Variants in GEMIN5 observed in about 807,000 individuals in gnomAD.
GEMIN5 encodes the protein gem nuclear organelle associated protein 5.
In GEMIN5, 124 loss-of-function variants were observed where a neutral mutation model predicts 176.9. The ratio of observed to expected loss-of-function variants is 0.70; its 90% confidence interval spans 0.61 to 0.81. The LOEUF is 0.81. Among genes scored for constraint, GEMIN5 ranks in the 40% least tolerant of loss-of-function variants. GEMIN5 has a pLI of 0.00. For synonymous variants in GEMIN5, 673 were observed against 665.2 expected (o/e 1.01, Z -0.18); for missense variants, 1,843 against 1,814.6 (o/e 1.02, Z -0.28).
chr5:154,894,432 T>C (rs1351824680), intron 24 of GEMIN5, among the ~76,000 whole-genome samples: 2 of 152,206 alleles, frequency 1.3e-5, no homozygotes, highest in Non-Finnish European at 2.9e-5. Context: ...AATATCTAGG[T>C]AGCAGAACTG....
chr5:154,905,938 G>T lies in GEMIN5; in HGVS notation c.2396-462C>A, dbSNP rs537764911. On this transcript the variant is annotated intron_variant, in intron 16 of 27. Coordinates refer to ENST00000285873, the MANE Select transcript of GEMIN5 (RefSeq NM_015465.5). ...ACTCCTGACCTCAGGTGATCCACCT[G>T]CCTCAGCCTCCCAAACTGCTGGGAT... Among the ~76,000 whole-genome samples the T allele has an allele frequency of 5.1e-4, 78 of 151,802 alleles. 1 individual carries two copies. The highest frequency in any genetic ancestry group is 7.4e-5 in the Non-Finnish European group (5 of 67,966).
At chr5:154,920,169 AGTATG>A (rs2113495131) in intron 10 of GEMIN5, 66 bp from the exon 11 acceptor site, 2 of 1,297,986 alleles carry the variant, frequency 1.5e-6, no homozygotes, top group Non-Finnish European at 2.2e-6. Context: ...TTGTTGCTAT[AGTATG>A]ACCATACCAT....
intron 3 of GEMIN5, among the ~76,000 whole-genome samples, chr5:154,932,927 G>A (rs543415441): frequency 3.4e-4 from 52 of 152,144 alleles, no homozygotes; most frequent in Non-Finnish European, 6.8e-4. Context: ...TTCTTTATAA[G>A]TGATACTACT....
At chr5:154,932,980 C>T (rs758226926) in intron 3 of GEMIN5, among the ~76,000 whole-genome samples, 2 of 152,214 alleles carry the variant, frequency 1.3e-5, no homozygotes, top group African/African-American at 4.8e-5. Context: ...ATTCTACACT[C>T]TAGACCTGCA....
At chr5:154,936,865 C>T (rs1378084785) in intron 2 of GEMIN5, among the ~76,000 whole-genome samples, 160 bp downstream of exon 2, 1 of 152,084 alleles carries the variant, frequency 6.6e-6, no homozygotes, top group Non-Finnish European at 1.5e-5. Context: ...TATCTCCTTT[C>T]AAAAAAAGTT....
chr5:154,918,050 A>C, intron 11 of GEMIN5, 46 bp from the exon 12 acceptor site: 9 of 1,201,630 alleles, frequency 7.5e-6, no homozygotes, highest in Non-Finnish European at 1.1e-5. Context: ...ATATCTCACA[A>C]ATCAGCAATG....
chr5:154,909,403 T>G (rs927697441), intron 15 of GEMIN5, among the ~76,000 whole-genome samples: 8 of 152,148 alleles, frequency 5.3e-5, no homozygotes, highest in African/African-American at 1.7e-4. Flanking sequence ...TCTGGACTCA[T>G]GAATTCTTCC....
intron 9 of GEMIN5, among the ~76,000 whole-genome samples, chr5:154,922,108 A>G (rs1406683104): frequency 1.3e-5 from 2 of 152,232 alleles, no homozygotes; most frequent in Non-Finnish European, 2.9e-5. Context: ...AATAAATCAA[A>G]ATTTCTAAAA....
At chr5:154,902,295 A>G (rs913801426) in intron 20 of GEMIN5, among the ~76,000 whole-genome samples, 12 of 152,128 alleles carry the variant, frequency 7.9e-5, no homozygotes, top group African/African-American at 2.9e-4. Flanking sequence ...AATTTACTAG[A>G]CATGGCCAAA....
intron 8 of GEMIN5, among the ~76,000 whole-genome samples, chr5:154,924,942 T>C (rs1017829280): frequency 6.6e-6 from 1 of 152,102 alleles, no homozygotes; most frequent in African/African-American, 2.4e-5. Context: ...TGAGCCGAGA[T>C]TGTGCCACTG....
chr5:154,910,122 T>C (rs1763665336), intron 15 of GEMIN5, among the ~76,000 whole-genome samples: 1 of 152,064 alleles, frequency 6.6e-6, no homozygotes, highest in African/African-American at 2.4e-5. Context: ...TATTGTGGAA[T>C]AGAAGCCTAC....
chr5:154,901,278 G>A (rs1763458139), intron 21 of GEMIN5, 61 bp downstream of exon 21: 2 of 1,448,158 alleles, frequency 1.4e-6, no homozygotes, highest in East Asian at 2.3e-5. Context: ...TAACAATAGA[G>A]AAGTTTAGGT....
At chr5:154,903,055 A>T (rs758016948) in intron 19 of GEMIN5, 25 bp downstream of exon 19, 1 of 1,392,024 alleles carries the variant, frequency 7.2e-7, no homozygotes. Context: ...GATGGATGAG[A>T]TTATGTTGAC....
intron 11 of GEMIN5, among the ~76,000 whole-genome samples, chr5:154,918,915 C>T (rs1582667738): frequency 6.6e-6 from 1 of 151,922 alleles, no homozygotes; most frequent in African/African-American, 2.4e-5. Flanking sequence ...TTGGCACGTG[C>T]CTGTAATCCC....
At chr5:154,904,358 G>C in intron 18 of GEMIN5, 149 bp downstream of exon 18, 2 of 652,386 alleles carry the variant, frequency 3.1e-6, no homozygotes, top group Non-Finnish European at 5.3e-6. Flanking sequence ...GGGGTATAGG[G>C]ATGTGGAGGG....
rs1763533727 is a variant in GEMIN5 at position 154,904,643 on chromosome 5, A to C, written c.2510-14T>G. On this transcript the variant is annotated splice_polypyrimidine_tract_variant and intron_variant, in intron 17 of 27. Coordinates refer to ENST00000285873, the MANE Select transcript of GEMIN5 (RefSeq NM_015465.5). Reference sequence around the variant, plus strand: ...TGATTAAGGTTTCTGAAATTTAATAAAGTACATACTATCTGAAGGAGAACT... The same window carrying C: ...TGATTAAGGTTTCTGAAATTTAATACAGTACATACTATCTGAAGGAGAACT... 6.3e-7 allele frequency: 1 copy of C among 1,599,114 alleles called. No homozygotes were observed. Among genetic ancestry groups the C allele is most frequent in the African/African-American group, 1.3e-5 (1 of 74,630 alleles).
At chr5:154,901,717 G>A (rs1284481284) in intron 20 of GEMIN5, among the ~76,000 whole-genome samples, 1 of 151,346 alleles carries the variant, frequency 6.6e-6, no homozygotes, top group Non-Finnish European at 1.5e-5. Context: ...GATACAGAAA[G>A]GAATGTGTGA....
At chr5:154,898,221 A>C (rs1287315021) in intron 23 of GEMIN5, among the ~76,000 whole-genome samples, 1 of 152,196 alleles carries the variant, frequency 6.6e-6, no homozygotes, top group Non-Finnish European at 1.5e-5. Context: ...TTGTACAAAC[A>C]GATAAGCAAT....
chr5:154,908,476 C>T (rs1475235060), intron 15 of GEMIN5, among the ~76,000 whole-genome samples: 3 of 152,094 alleles, frequency 2.0e-5, no homozygotes, highest in Admixed American at 1.3e-4. Flanking sequence ...CCACCACGCC[C>T]GGCCTACCCA....
Sources: allele counts gnomAD v4.1 joint callset (sites outside exome capture counted in the v4.1 genomes callset), GRCh38; gene constraint gnomAD v4.1.1; transcripts MANE v1.5; gene names NCBI Gene and HGNC (gene_info 2026-07-23, HGNC 2026-07-21).